The following IL12RB1 variants were observed in gnomAD, a reference collection of about 807,000 sequenced individuals.
The protein encoded by IL12RB1 is interleukin 12 receptor subunit beta 1, also known as interleukin-12 receptor subunit beta-1.
A neutral mutation model predicts 94.4 loss-of-function variants in IL12RB1; 64 were observed. The observed-to-expected ratio is 0.68, with a 90% confidence interval of 0.55 to 0.83. The LOEUF is 0.83. Ranked by LOEUF, IL12RB1 falls within the 40% of genes least tolerant of loss-of-function variation. The pLI, the probability that IL12RB1 is intolerant of heterozygous loss-of-function variation, is 0.00. For missense variants in IL12RB1, 814 were observed against 855.6 expected (o/e 0.95, Z 0.61); for synonymous variants, 362 against 355.5 (o/e 1.02, Z -0.21).
At chr19:18,068,630 C>G in intron 10 of IL12RB1, 104 bp from the exon 11 acceptor site, 1 of 934,228 alleles carries the variant, frequency 1.1e-6, no homozygotes, top group Admixed American at 1.8e-5. Context: ...AAAACTCCTA[C>G]TCATGTTTCA....
At chr19:18,091,868 CTTTT>C (rs1264996682), upstream of IL12RB1, among the ~76,000 whole-genome samples, 1 of 120,494 alleles carries the variant, frequency 8.3e-6, no homozygotes, top group African/African-American at 3.1e-5. Flanking sequence ...CCTGGCTTTT[CTTTT>C]TTTTTTTTTT....
In IL12RB1 at chr19:18,072,160, C is replaced by G; in HGVS notation, c.973G>C (p.Gly325Arg). 7 of 1,614,144 alleles carry G rather than the reference C, an allele frequency of 4.3e-6. No individual in the cohort carries two copies. Among genetic ancestry groups the G allele is most frequent in the Non-Finnish European group, 5.9e-6 (7 of 1,180,010 alleles). ...NVAVISSNQF[G>R]PGLNQTWHIP... ...TGCCACGTCTGGTTCAGGCCAGGAC[C>G]AAATTGGTTCGAGGAGATGACAGCC... The change falls in exon 9 of 17, where the codon GGT becomes CGT. Residue 325 changes from glycine (G) to arginine (R), a missense_variant. Physicochemically the swap from Gly to Arg is moderately radical, Grantham distance 125. Coordinates refer to ENST00000593993, the MANE Select transcript of IL12RB1 (RefSeq NM_005535.3).
chr19:18,091,714 T>C (rs2036636501), upstream of IL12RB1, among the ~76,000 whole-genome samples: 1 of 152,084 alleles, frequency 6.6e-6, no homozygotes, highest in South Asian at 2.1e-4. Flanking sequence ...TTATTTTTAT[T>C]TGAGACAGGG....
At chr19:18,068,574 C>G (rs1198806912) in intron 10 of IL12RB1, 48 bp from the exon 11 acceptor site, 3 of 1,541,138 alleles carry the variant, frequency 1.9e-6, no homozygotes, top group Non-Finnish European at 2.7e-6. Flanking sequence ...TGTGTTCCCA[C>G]CTCTGCACCT....
At chr19:18,081,394 C>T (rs565335897) in intron 3 of IL12RB1, among the ~76,000 whole-genome samples, 1 of 151,686 alleles carries the variant, frequency 6.6e-6, no homozygotes, top group Non-Finnish European at 1.5e-5. Context: ...CCGTGCCCAG[C>T]CCCCAGCATC....
At chr19:18,076,462 G>A in intron 5 of IL12RB1, 135 bp from the exon 6 acceptor site, 1 of 690,358 alleles carries the variant, frequency 1.4e-6, no homozygotes, top group Non-Finnish European at 2.7e-6. Flanking sequence ...GAGTGCAGTG[G>A]TGCAATCATG....
At chr19:18,097,740 T>C (rs10402199) in intron 1 of IL12RB1, 111 of 1,109,438 alleles carry the variant, frequency 1.0e-4, no homozygotes, top group Non-Finnish European at 1.1e-4. Context: ...CGGCGGGGCC[T>C]GGCAGGCCGG....
intron 13 of IL12RB1, among the ~76,000 whole-genome samples, chr19:18,063,117 A>G (rs555118324): frequency 8.9e-4 from 58 of 65,218 alleles, no homozygotes; most frequent in African/African-American, 3.4e-3. Context: ...TTTTTTTGAG[A>G]CAGGGTCTTG....
intron 9 of IL12RB1, among the ~76,000 whole-genome samples, chr19:18,071,636 C>T (rs200386855): frequency 3.1e-5 from 4 of 128,362 alleles, no homozygotes; most frequent in Admixed American, 3.0e-4. Context: ...AAAAACAAAC[C>T]AACAACAACA....
intron 7 of IL12RB1, among the ~76,000 whole-genome samples, chr19:18,074,612 T>G (rs1416072754): frequency 6.6e-6 from 1 of 152,066 alleles, no homozygotes; most frequent in Non-Finnish European, 1.5e-5. Context: ...CTGGGCGTGG[T>G]GGTGCATGCC....
chr19:18,062,148 A>G (rs780737442), intron 14 of IL12RB1, 33 bp downstream of exon 14: 4 of 1,402,868 alleles, frequency 2.9e-6, no homozygotes, highest in Admixed American at 1.7e-5. Context: ...CATCATTACC[A>G]TCGCTATGGT....
upstream of IL12RB1, among the ~76,000 whole-genome samples, chr19:18,089,107 C>T (rs1047877368): frequency 2.0e-5 from 3 of 149,718 alleles, no homozygotes; most frequent in Admixed American, 1.3e-4. Context: ...GAAAGGCACA[C>T]ACTGTATGAT....
At chr19:18,072,856 A>AACTCAGGAGGCT (rs1397192213) in intron 8 of IL12RB1, among the ~76,000 whole-genome samples, 1 of 149,988 alleles carries the variant, frequency 6.7e-6, no homozygotes, top group African/African-American at 2.5e-5. Context: ...CTGAGGCAGG[A>AACTCAGGAGGCT]GAATGGCGTG....
chr19:18,090,948 G>T (rs1042654295), upstream of IL12RB1, among the ~76,000 whole-genome samples: 2 of 152,126 alleles, frequency 1.3e-5, no homozygotes, highest in Admixed American at 1.3e-4. Flanking sequence ...GGGCATCTCC[G>T]GCAGAGGCCA....
upstream of IL12RB1, among the ~76,000 whole-genome samples, chr19:18,087,226 T>C (rs1313986084): frequency 6.6e-6 from 1 of 151,322 alleles, no homozygotes; most frequent in Non-Finnish European, 1.5e-5. Context: ...TTTTTTTTTT[T>C]TGAGATGGAG....
At chr19:18,096,253 T>A (rs1049340858) in intron 1 of IL12RB1, among the ~76,000 whole-genome samples, 12 of 151,054 alleles carry the variant, frequency 7.9e-5, no homozygotes, top group Non-Finnish European at 1.2e-4. Flanking sequence ...AAAAAAAAAT[T>A]TTTTTTTAAA....
At chr19:18,087,470 A>G (rs1268177310), upstream of IL12RB1, among the ~76,000 whole-genome samples, 3 of 151,850 alleles carry the variant, frequency 2.0e-5, no homozygotes, top group Non-Finnish European at 4.4e-5. Flanking sequence ...TCAGCCTCCC[A>G]AAGTGCTGGG....
chr19:18,063,936 C>A lies in IL12RB1; in HGVS notation c.1558G>T (p.Val520Leu), dbSNP rs917838985. 4 of 1,613,400 alleles carry A rather than the reference C, an allele frequency of 2.5e-6. No homozygotes were observed. Among genetic ancestry groups the A allele is most frequent in the Admixed American group, 1.7e-5 (1 of 59,972 alleles). The change falls in exon 13 of 17, where the codon GTG becomes TTG. Residue 520 changes from valine to leucine, a missense_variant. Transcript: ENST00000593993. ...LRAGVAYTVQ[V>L]RADTAWLRGV... is the part of the protein sequence containing the mutation. Reference sequence around the variant, plus strand: ...CTCAGCCACGCTGTGTCTGCTCGCACCTGCACCGTGTAGGCTACACCAGCC... The same window carrying A: ...CTCAGCCACGCTGTGTCTGCTCGCAACTGCACCGTGTAGGCTACACCAGCC...
upstream of IL12RB1, among the ~76,000 whole-genome samples, chr19:18,088,609 C>G (rs1022488326): frequency 6.6e-6 from 1 of 151,478 alleles, no homozygotes; most frequent in African/African-American, 2.4e-5. Flanking sequence ...CTTAGTCTTT[C>G]CCCCATGTTC....
Sources: allele counts gnomAD v4.1 joint callset (sites outside exome capture counted in the v4.1 genomes callset), GRCh38; gene constraint gnomAD v4.1.1; transcripts MANE v1.5; gene names NCBI Gene and HGNC (gene_info 2026-07-23, HGNC 2026-07-21).